FYB1: variants seen among roughly 807,000 people sequenced by gnomAD.
FYB1 encodes the protein FYN-binding protein 1.
In FYB1, 41 loss-of-function variants were observed where a neutral mutation model predicts 94.1. That is an observed-to-expected ratio of 0.44 (90% CI 0.34 to 0.57). The LOEUF (loss-of-function observed/expected upper bound fraction) is 0.57, where lower values mean the gene tolerates loss of function less well. Among genes scored for constraint, FYB1 ranks in the 20% least tolerant of loss-of-function variants. The pLI, the probability that FYB1 is intolerant of heterozygous loss-of-function variation, is 0.02. For synonymous variants in FYB1, 367 were observed against 353.2 expected (o/e 1.04, Z -0.44); for missense variants, 1,050 against 976.8 (o/e 1.07, Z -1.00).
chr5:39,273,010 C>G (rs1752707244), intron 1 of FYB1, among the ~76,000 whole-genome samples: 1 of 152,218 alleles, frequency 6.6e-6, no homozygotes, highest in African/African-American at 2.4e-5. Flanking sequence ...GCTGCCCTGT[C>G]CAGGAGGGAG....
rs141469610 is a variant in FYB1 at position 39,250,120 on chromosome 5, C to T, written c.-28+24283G>A. On this transcript the variant is annotated intron_variant, in intron 1 of 1. Transcript: ENST00000510188. ...ACCATGATTGTAAATTTCCTGAGGC[C>T]TCTCCAGCCATGTGGAACTGTGAGT... 9.5e-4 allele frequency among the ~76,000 whole-genome samples: 144 copies of T among 152,272 alleles called. 1 individual carries two copies. The highest frequency in any genetic ancestry group is 3.3e-3 in the African/African-American group (139 of 41,542).
intron 12 of FYB1, among the ~76,000 whole-genome samples, chr5:39,125,667 G>A (rs972794000): frequency 5.3e-5 from 8 of 152,082 alleles, no homozygotes; most frequent in Non-Finnish European, 8.8e-5. Flanking sequence ...CTAGTAAATG[G>A]GTGTGTCAGT....
intron 1 of FYB1, among the ~76,000 whole-genome samples, chr5:39,273,950 A>G (rs747282959): frequency 4.0e-5 from 6 of 151,418 alleles, no homozygotes; most frequent in Non-Finnish European, 8.8e-5. Context: ...TTTGAGACAG[A>G]GTCTTGCTCT....
At chr5:39,213,410 A>T (rs2150530966) in intron 1 of FYB1, among the ~76,000 whole-genome samples, 1 of 152,300 alleles carries the variant, frequency 6.6e-6, no homozygotes, top group East Asian at 1.9e-4. Context: ...AATGTTTTCC[A>T]CCTAACTCTA....
chr5:39,260,687 A>G (rs1055883751), intron 1 of FYB1, among the ~76,000 whole-genome samples: 1 of 152,194 alleles, frequency 6.6e-6, no homozygotes, highest in Non-Finnish European at 1.5e-5. Context: ...TAGAATATTT[A>G]TAGTCAGCTC....
chr5:39,110,658 CT>C (rs1290126418), intron 16 of FYB1: 5 of 332,766 alleles, frequency 1.5e-5, no homozygotes, highest in Non-Finnish European at 2.8e-5. Context: ...AAAAAAGCAA[CT>C]TTTTTCATTA....
At chr5:39,161,735 A>T (rs1039058093) in intron 2 of FYB1, among the ~76,000 whole-genome samples, 1 of 152,170 alleles carries the variant, frequency 6.6e-6, no homozygotes, top group Non-Finnish European at 1.5e-5. Flanking sequence ...TAAAATATAC[A>T]ACTCCATGGT....
At chr5:39,231,753 C>CTTTTTTTTTTTT (rs1561294595) in intron 1 of FYB1, among the ~76,000 whole-genome samples, 3 of 151,990 alleles carry the variant, frequency 2.0e-5, no homozygotes, top group African/African-American at 7.3e-5. Flanking sequence ...AGAGCTATTT[C>CTTTTTTTTTTTT]TCTTTCACAG....
intron 4 of FYB1, 49 bp from the exon 5 acceptor site, chr5:39,139,301 C>A (rs1301368403): frequency 7.5e-7 from 1 of 1,341,658 alleles, no homozygotes; most frequent in South Asian, 1.4e-5. Context: ...TAAGGAAGCA[C>A]TTTAATGTAA....
upstream of FYB1, among the ~76,000 whole-genome samples, chr5:39,224,240 C>T (rs1750382744): frequency 6.6e-6 from 1 of 152,180 alleles, no homozygotes; most frequent in Non-Finnish European, 1.5e-5. Flanking sequence ...CAGTGACTTA[C>T]TCAGAAAACA....
intron 2 of FYB1, among the ~76,000 whole-genome samples, chr5:39,190,180 A>G (rs1012256458): frequency 1.3e-5 from 2 of 152,240 alleles, no homozygotes; most frequent in African/African-American, 4.8e-5. Context: ...CAATCTCTTC[A>G]AATGGATTGC....
In FYB1 at chr5:39,261,371, C is replaced by CACA. The variant is rs1166071145; in HGVS notation, c.-28+13031_-28+13032insTGT. Among the ~76,000 whole-genome samples, 6 of 145,814 alleles carry CACA rather than the reference C, an allele frequency of 4.1e-5. No homozygotes were observed. In the South Asian group the frequency reaches 1.3e-3, roughly 32 times the overall value. Reference sequence around the variant, plus strand: ...ACACACACACACACACACACACACACAAAGAAATTGTTAGACAGCAGGCAA... The same window carrying CACA: ...ACACACACACACACACACACACACACACAAAAGAAATTGTTAGACAGCAGGCAA... On this transcript the variant is annotated intron_variant, in intron 1 of 1. Coordinates refer to the FYB1 transcript ENST00000510188.
intron 2 of FYB1, among the ~76,000 whole-genome samples, chr5:39,188,112 C>A (rs1431982476): frequency 6.6e-6 from 1 of 152,158 alleles, no homozygotes; most frequent in Non-Finnish European, 1.5e-5. Context: ...GAAGTTGCTG[C>A]AGCCCTCCAA....
At chr5:39,234,189 C>T (rs977629470) in intron 1 of FYB1, among the ~76,000 whole-genome samples, 2 of 152,096 alleles carry the variant, frequency 1.3e-5, no homozygotes, top group Non-Finnish European at 2.9e-5. Context: ...CTCATGGAAA[C>T]ATAAAGAGTA....
At chr5:39,146,419 T>C (rs1015107381) in intron 3 of FYB1, among the ~76,000 whole-genome samples, 1 of 152,204 alleles carries the variant, frequency 6.6e-6, no homozygotes, top group African/African-American at 2.4e-5. Flanking sequence ...AGGAAAGGGA[T>C]TGTCACTTTG....
intron 14 of FYB1, among the ~76,000 whole-genome samples, chr5:39,121,090 G>T (rs1489644352): frequency 6.7e-6 from 1 of 150,186 alleles, no homozygotes; most frequent in Non-Finnish European, 1.5e-5. Context: ...AGCTTAGTTA[G>T]CTGGGGTTTA....
At chr5:39,256,965 A>G (rs79011979) in intron 1 of FYB1, among the ~76,000 whole-genome samples, 6,219 of 152,286 alleles carry the variant, frequency 0.041, 368 homozygotes, top group African/African-American at 0.13. Flanking sequence ...TTTTCATGTA[A>G]GTTCAGCCTC....
chr5:39,170,131 GA>G, intron 2 of FYB1: 1 of 799,372 alleles, frequency 1.3e-6, no homozygotes, highest in Non-Finnish European at 2.2e-6. Context: ...ATCAGTTGCT[GA>G]TGAAGTATAA....
At chr5:39,251,788 C>G (rs12659558) in intron 1 of FYB1, among the ~76,000 whole-genome samples, 48,832 of 151,830 alleles carry the variant, frequency 0.32, 9,535 homozygotes, top group African/African-American at 0.56. Flanking sequence ...GAATGAGGGA[C>G]ACTAGTTCTA....
Sources: gnomAD v4.1 joint callset for allele counts (sites outside exome capture counted in the v4.1 genomes callset) on GRCh38, gnomAD v4.1.1 for gene constraint, MANE v1.5 for transcripts, NCBI Gene and HGNC (gene_info 2026-07-23, HGNC 2026-07-21) for gene names.